Variants in KLF12 observed in about 807,000 individuals in gnomAD.
KLF12 encodes KLF transcription factor 12, also known as Krueppel-like factor 12.
In KLF12, 9 loss-of-function variants were observed where a neutral mutation model predicts 37.8. The observed-to-expected ratio is 0.24, with a 90% confidence interval of 0.14 to 0.42. The LOEUF is 0.42. Ranked by LOEUF, KLF12 falls within the 10% of genes least tolerant of loss-of-function variation. The probability of loss-of-function intolerance (pLI) is 1.00; values close to 1 mark genes in which losing one functional copy is unlikely to be tolerated. For synonymous variants in KLF12, 208 were observed against 202.1 expected (o/e 1.03, Z -0.25); for missense variants, 411 against 516.0 (o/e 0.80, Z 1.97).
intron 3 of KLF12, among the ~76,000 whole-genome samples, chr13:73,911,325 T>C (rs1466078891): frequency 1.3e-5 from 2 of 152,196 alleles, no homozygotes; most frequent in African/African-American, 4.8e-5. Flanking sequence ...AAATATTTAT[T>C]CAAATTTCAT....
At chr13:74,255,460 A>C in the KLF12 span, among the ~76,000 whole-genome samples, 1 of 152,318 alleles carries the variant, frequency 6.6e-6, no homozygotes, top group Admixed American at 6.5e-5. Flanking sequence ...TTTGCCTTTT[A>C]TGTGGTATCA....
chr13:74,071,146 T>C (rs1220341295), intron 1 of KLF12, among the ~76,000 whole-genome samples: 1 of 152,174 alleles, frequency 6.6e-6, no homozygotes, highest in Non-Finnish European at 1.5e-5. Context: ...GAGAGTACTA[T>C]ATAAAAATAA....
chr13:74,172,781 T>C, the KLF12 span, among the ~76,000 whole-genome samples: 1 of 152,160 alleles, frequency 6.6e-6, no homozygotes, highest in Admixed American at 6.5e-5. Flanking sequence ...AAGAAGAGCA[T>C]GGGCGACCTG....
chr13:74,276,651 A>C, the KLF12 span, among the ~76,000 whole-genome samples: 3 of 152,184 alleles, frequency 2.0e-5, no homozygotes, highest in African/African-American at 4.8e-5. Flanking sequence ...CTTCCTAATA[A>C]GCCTTCCTAC....
chr13:73,909,648 A>G (rs1888478124), intron 3 of KLF12, among the ~76,000 whole-genome samples: 1 of 152,198 alleles, frequency 6.6e-6, no homozygotes, highest in Non-Finnish European at 1.5e-5. Flanking sequence ...AGGGAATTTT[A>G]ATAACTGTGA....
chr13:74,055,600 T>G (rs1873201621), intron 1 of KLF12, among the ~76,000 whole-genome samples: 2 of 152,160 alleles, frequency 1.3e-5, no homozygotes, highest in South Asian at 2.1e-4. Context: ...TTTACAAAGC[T>G]CTTCTGTTTT....
At chr13:74,044,174 C>G (rs1437224116) in intron 1 of KLF12, among the ~76,000 whole-genome samples, 1 of 152,090 alleles carries the variant, frequency 6.6e-6, no homozygotes, top group Non-Finnish European at 1.5e-5. Context: ...GGAAGCTACC[C>G]AGAAACAAGA....
chr13:74,017,443 A>C (rs1892721693), intron 1 of KLF12, among the ~76,000 whole-genome samples: 1 of 151,350 alleles, frequency 6.6e-6, no homozygotes, highest in Admixed American at 6.6e-5. Flanking sequence ...CTTCATTGGG[A>C]AATTCTATTT....
intron 3 of KLF12, among the ~76,000 whole-genome samples, chr13:73,883,498 C>A (rs78017610): frequency 2.7e-3 from 414 of 152,256 alleles, no homozygotes; most frequent in African/African-American, 9.6e-3. Context: ...CAGGGAAGAA[C>A]CCCCTAAGAT....
At chr13:73,951,127 C>CA (rs1466428636) in intron 2 of KLF12, among the ~76,000 whole-genome samples, 1 of 152,220 alleles carries the variant, frequency 6.6e-6, no homozygotes, top group Non-Finnish European at 1.5e-5. Flanking sequence ...CCTAATTTTA[C>CA]AAATTATGAT....
At chr13:74,236,188 T>C in the KLF12 span, among the ~76,000 whole-genome samples, 1 of 143,786 alleles carries the variant, frequency 7.0e-6, no homozygotes, top group Non-Finnish European at 1.5e-5. Context: ...AGTGAGAATA[T>C]GCGGTGTTTG....
chr13:74,109,098 A>T lies in KLF12; in HGVS notation c.-32+24641T>A, dbSNP rs553960397. ...AAAAGAAACAGAAAATGCAATCGAA[A>T]ACAAAAATGTAATAAACACAAATAT... is the stretch of plus-strand genomic sequence containing the variant. On this transcript the variant is annotated intron_variant, in intron 1 of 7. Transcript: ENST00000377669. 9.2e-5 allele frequency among the ~76,000 whole-genome samples: 14 copies of T among 152,346 alleles called. No homozygotes were observed. In the South Asian group the frequency reaches 2.7e-3, roughly 29 times the overall value.
chr13:73,741,595 C>T (rs1877986677), intron 6 of KLF12, among the ~76,000 whole-genome samples: 1 of 152,124 alleles, frequency 6.6e-6, no homozygotes, highest in Non-Finnish European at 1.5e-5. Flanking sequence ...ACCTTCAGAG[C>T]TTCAGGGTCA....
chr13:74,195,042 G>C, the KLF12 span, among the ~76,000 whole-genome samples: 1 of 152,148 alleles, frequency 6.6e-6, no homozygotes, highest in African/African-American at 2.4e-5. Context: ...AAAGCAGACT[G>C]AACAGGAGCT....
chr13:73,915,389 C>T (rs1184766489), intron 3 of KLF12, among the ~76,000 whole-genome samples: 2 of 152,196 alleles, frequency 1.3e-5, no homozygotes, highest in African/African-American at 4.8e-5. Context: ...CTCCCACAGC[C>T]TCATTTCCGT....
intron 4 of KLF12, among the ~76,000 whole-genome samples, chr13:73,842,280 T>C (rs1033736268): frequency 6.6e-5 from 10 of 152,202 alleles, no homozygotes; most frequent in Admixed American, 6.5e-5. Flanking sequence ...CAGCTTTCTC[T>C]ATTTGCGATT....
rs530530916 is a variant in KLF12 at position 74,099,904 on chromosome 13, T to C, written c.-32+33835A>G. 9.2e-5 allele frequency among the ~76,000 whole-genome samples: 14 copies of C among 152,182 alleles called. No individual in the cohort carries two copies. The South Asian group carries it at 2.5e-3, about 27-fold the overall frequency. On this transcript the variant is annotated intron_variant, in intron 1 of 7. Coordinates refer to ENST00000377669, the MANE Select transcript of KLF12 (RefSeq NM_007249.5). ...TAAACAGTACTGAAGTATAAAATGG[T>C]ATAAGTTTTTCAAATTGAACCATAA...
the KLF12 span, among the ~76,000 whole-genome samples, chr13:74,205,064 A>C: frequency 3.3e-5 from 5 of 151,106 alleles, no homozygotes. Context: ...GAACACTGAC[A>C]TGGTTGCCAT....
rs574037653 is a variant in KLF12, at chr13:73,687,409, A to G, written c.*8081T>C. On this transcript the variant is annotated 3_prime_UTR_variant, in exon 8 of 8. Coordinates refer to ENST00000377669, the MANE Select transcript of KLF12 (RefSeq NM_007249.5). ...AATCGTGGACAGACACGTTGATAGGAAAGAGCCTTGAATATAGGCACCAGT... is the reference window on the plus strand; with the variant it reads ...AATCGTGGACAGACACGTTGATAGGGAAGAGCCTTGAATATAGGCACCAGT... 1 of 152,642 alleles carries G rather than the reference A, an allele frequency of 6.6e-6. No homozygotes were observed. Among genetic ancestry groups the G allele is most frequent in the East Asian group, 1.9e-4 (1 of 5,182 alleles). 9.5% of individuals were successfully genotyped at this position (152,642 alleles called of 1,614,324 possible). A position where few individuals can be genotyped will look rare whatever the true frequency, so the allele number is the denominator to read the frequency against.
Sources: gnomAD v4.1 joint callset for allele counts (sites outside exome capture counted in the v4.1 genomes callset) on GRCh38, gnomAD v4.1.1 for gene constraint, MANE v1.5 for transcripts, NCBI Gene and HGNC (gene_info 2026-07-23, HGNC 2026-07-21) for gene names.